ST8SIA6: variants seen among roughly 807,000 people sequenced by gnomAD.
ST8SIA6 encodes the protein ST8 alpha-N-acetyl-neuraminide alpha-2,8-sialyltransferase 6, also known as alpha-2,8-sialyltransferase 8F.
Under a neutral mutation model 33.6 loss-of-function variants are expected in ST8SIA6, and 39 were observed. The ratio of observed to expected loss-of-function variants is 1.16; its 90% CI spans 0.90 to 1.52. ST8SIA6 has a LOEUF of 1.52. Among genes scored for constraint, ST8SIA6 ranks in the 40% most tolerant of loss-of-function variants. The probability of loss-of-function intolerance (pLI) is 0.00; values close to 1 mark genes in which losing one functional copy is unlikely to be tolerated. For synonymous variants in ST8SIA6, 172 were observed against 167.2 expected (o/e 1.03, Z -0.22); for missense variants, 441 against 443.8 (o/e 0.99, Z 0.06).
chr10:17,347,584 A>G (rs1250838730), intron 4 of ST8SIA6, among the ~76,000 whole-genome samples: 1 of 152,158 alleles, frequency 6.6e-6, no homozygotes, highest in African/African-American at 2.4e-5. Context: ...GAAAGAAGTA[A>G]GGGGTGCACC....
At chr10:17,408,550 CT>C (rs1221617033) in intron 2 of ST8SIA6, among the ~76,000 whole-genome samples, 2 of 151,722 alleles carry the variant, frequency 1.3e-5, no homozygotes, top group Admixed American at 6.6e-5. Context: ...ATCTCAGCTA[CT>C]TGGGAGACTG....
chr10:17,427,078 TG>T, intron 2 of ST8SIA6, among the ~76,000 whole-genome samples: 1 of 138,518 alleles, frequency 7.2e-6, no homozygotes, highest in Admixed American at 7.9e-5. Context: ...CCCTCCAGCC[TG>T]GGAGACAGAG....
chr10:17,345,783 A>G (rs1348730718), intron 4 of ST8SIA6, among the ~76,000 whole-genome samples: 1 of 152,116 alleles, frequency 6.6e-6, no homozygotes, highest in Non-Finnish European at 1.5e-5. Flanking sequence ...TAGGATGTGC[A>G]CCCTGGCTTC....
intron 2 of ST8SIA6, among the ~76,000 whole-genome samples, chr10:17,438,032 C>T (rs1050785916): frequency 1.3e-5 from 2 of 152,022 alleles, no homozygotes; most frequent in African/African-American, 2.4e-5. Context: ...CCTGGCCATG[C>T]CCCCCTGTTT....
intron 3 of ST8SIA6, among the ~76,000 whole-genome samples, chr10:17,369,287 T>TA (rs1163271287): frequency 3.9e-5 from 6 of 152,232 alleles, no homozygotes; most frequent in African/African-American, 1.4e-4. Flanking sequence ...TCATTCATCT[T>TA]AAAGTATTTT....
At chr10:17,441,461 C>G (rs181311129) in intron 2 of ST8SIA6, among the ~76,000 whole-genome samples, 86 of 152,082 alleles carry the variant, frequency 5.7e-4, no homozygotes, top group African/African-American at 1.9e-3. Flanking sequence ...GACAGGCATG[C>G]ACCACCATGC....
chr10:17,337,559 C>T (rs370361894), intron 4 of ST8SIA6, among the ~76,000 whole-genome samples: 61 of 152,264 alleles, frequency 4.0e-4, no homozygotes, highest in South Asian at 3.3e-3. Flanking sequence ...CTTTTGTGTG[C>T]GGTGGCGGAG....
chr10:17,395,794 A>G (rs888849024), intron 2 of ST8SIA6, among the ~76,000 whole-genome samples: 1 of 152,122 alleles, frequency 6.6e-6, no homozygotes, highest in Non-Finnish European at 1.5e-5. Flanking sequence ...GAGGCAGGAG[A>G]ATTGCTTGAA....
chr10:17,443,047 T>C (rs1278035198), intron 2 of ST8SIA6, among the ~76,000 whole-genome samples: 1 of 152,212 alleles, frequency 6.6e-6, no homozygotes, highest in African/African-American at 2.4e-5. Context: ...GCGTAAATAC[T>C]TTGGTATACC....
intron 2 of ST8SIA6, among the ~76,000 whole-genome samples, chr10:17,419,007 A>AAAG (rs1564455337): frequency 1.3e-5 from 2 of 151,306 alleles, no homozygotes; most frequent in African/African-American, 4.8e-5. Flanking sequence ...AAAAAAAAAA[A>AAAG]AAAAAAAAGA....
chr10:17,431,153 T>A (rs963101078), intron 2 of ST8SIA6, among the ~76,000 whole-genome samples: 8 of 152,160 alleles, frequency 5.3e-5, no homozygotes, highest in Non-Finnish European at 1.2e-4. Flanking sequence ...TTTTTTCTCT[T>A]CTCAACTGTG....
intron 3 of ST8SIA6, among the ~76,000 whole-genome samples, chr10:17,386,208 C>T (rs949286843): frequency 1.3e-5 from 2 of 151,250 alleles, no homozygotes; most frequent in African/African-American, 4.9e-5. Flanking sequence ...CACATACACA[C>T]AGGCCGGGCG....
At chr10:17,405,884 CAA>C (rs10546412) in intron 2 of ST8SIA6, among the ~76,000 whole-genome samples, 32 of 85,332 alleles carry the variant, frequency 3.8e-4, no homozygotes, top group Non-Finnish European at 1.9e-4. Flanking sequence ...GACTCCATTT[CAA>C]AAAAAAAAAA....
At chr10:17,448,778 G>C (rs1287982775) in intron 2 of ST8SIA6, among the ~76,000 whole-genome samples, 1 of 144,692 alleles carries the variant, frequency 6.9e-6, no homozygotes, top group Admixed American at 6.9e-5. Context: ...ACCACGCCAG[G>C]CTAATTTTTT....
chr10:17,445,919 GGAATGCATGTACTTCT>G (rs1330670994), intron 2 of ST8SIA6, among the ~76,000 whole-genome samples: 2 of 152,092 alleles, frequency 1.3e-5, no homozygotes, highest in Non-Finnish European at 2.9e-5. Context: ...GGATCACCTA[GGAATGCATGTACTTCT>G]GACAGTCATG....
chr10:17,435,397 A>T (rs1163006256), intron 2 of ST8SIA6, among the ~76,000 whole-genome samples: 2 of 152,180 alleles, frequency 1.3e-5, no homozygotes, highest in Non-Finnish European at 2.9e-5. Context: ...GAGGGCAAAG[A>T]CCATGAGGAA....
chr10:17,334,141 G>A (rs1848426474), intron 4 of ST8SIA6, among the ~76,000 whole-genome samples: 1 of 151,966 alleles, frequency 6.6e-6, no homozygotes, highest in Admixed American at 6.6e-5. Context: ...AATAGAAAAT[G>A]CTCATGAATA....
At chr10:17,360,088 A>C (rs149010515) in intron 3 of ST8SIA6, among the ~76,000 whole-genome samples, 169 of 152,220 alleles carry the variant, frequency 1.1e-3, no homozygotes, top group African/African-American at 3.9e-3. Context: ...GTTGAGAGAG[A>C]AGTTTATTGA....
rs1847787916 is a variant in ST8SIA6, at chr10:17,316,674, G to GT, written c.*4203dup. Among the ~76,000 whole-genome samples, 2 of 152,096 alleles carry GT rather than the reference G, an allele frequency of 1.3e-5. No homozygotes were observed. Among genetic ancestry groups the GT allele is most frequent in the African/African-American group, 4.8e-5 (2 of 41,428 alleles). On this transcript the variant is annotated 3_prime_UTR_variant, in exon 8 of 8. Transcript: ENST00000377602. ...CATTTTTACCAATGCAATGGATGTA[G>GT]TATCTCACTTTCATTTGCATTTCTC... is the stretch of plus-strand genomic sequence containing the variant.
Sources: gnomAD v4.1 joint callset for allele counts (sites outside exome capture counted in the v4.1 genomes callset) on GRCh38, gnomAD v4.1.1 for gene constraint, MANE v1.5 for transcripts, NCBI Gene and HGNC (gene_info 2026-07-23, HGNC 2026-07-21) for gene names.